DENND1A: variants seen among roughly 807,000 people sequenced by gnomAD.
The protein encoded by DENND1A is DENN domain containing 1A, also known as DENN domain-containing protein 1A.
Under a neutral mutation model 113.7 loss-of-function variants are expected in DENND1A, and 51 were observed. The ratio of observed to expected loss-of-function variants is 0.45; its 90% CI spans 0.36 to 0.57. The LOEUF (loss-of-function observed/expected upper bound fraction) is 0.57, where lower values mean the gene tolerates loss of function less well. DENND1A is among the 20% of genes least tolerant of loss of function. DENND1A has a pLI of 0.00. For missense variants in DENND1A, 1,258 were observed against 1,395.9 expected, an observed-to-expected ratio of 0.90 and a Z score of 1.57; for synonymous variants, 565 against 570.8, an observed-to-expected ratio of 0.99 and a Z score of 0.14.
chr9:123,792,674 G>A (rs1181535598), intron 2 of DENND1A, 44 bp from the exon 3 acceptor site: 3 of 1,594,834 alleles, frequency 1.9e-6, no homozygotes, highest in African/African-American at 2.7e-5. Flanking sequence ...TTGGATTAGT[G>A]AGCAAGCAGA....
chr9:123,410,341 C>T (rs1400071768), intron 20 of DENND1A, among the ~76,000 whole-genome samples: 1 of 152,322 alleles, frequency 6.6e-6, no homozygotes, highest in Middle Eastern at 3.4e-3. Context: ...AAGGGGCCTC[C>T]TGTCCCCCAA....
At chr9:123,464,434 A>T (rs1228851939) in intron 13 of DENND1A, among the ~76,000 whole-genome samples, 1 of 152,232 alleles carries the variant, frequency 6.6e-6, no homozygotes, top group Non-Finnish European at 1.5e-5. Flanking sequence ...TACATGCTGT[A>T]ACATAAAGGA....
chr9:123,534,881 AT>A (rs1262165599), intron 13 of DENND1A, among the ~76,000 whole-genome samples: 1 of 152,212 alleles, frequency 6.6e-6, no homozygotes, highest in Non-Finnish European at 1.5e-5. Context: ...TGCAAGTATT[AT>A]CTTCCTGTCT....
In DENND1A at chr9:123,575,516, G is replaced by T. The variant is rs533672226; in HGVS notation, c.867+7653C>A. 1.6e-4 allele frequency among the ~76,000 whole-genome samples: 24 copies of T among 152,322 alleles called. No individual in the cohort carries two copies. The South Asian group carries it at 5.0e-3, about 32-fold the overall frequency. On this transcript the variant is annotated intron_variant, in intron 12 of 23. Coordinates refer to ENST00000394215, the MANE Select transcript of DENND1A (RefSeq NM_001352964.2). ...TTTTTGGAAAGAATACCACAGAAGT[G>T]AAATATCCTCATTACATCACATCAG...
intron 19 of DENND1A, among the ~76,000 whole-genome samples, chr9:123,432,587 A>T (rs1223010771): frequency 6.6e-6 from 1 of 152,194 alleles, no homozygotes; most frequent in Non-Finnish European, 1.5e-5. Flanking sequence ...ACACAAAGAC[A>T]TGGATGAGAG....
chr9:123,663,578 C>T (rs926424992), intron 8 of DENND1A, among the ~76,000 whole-genome samples: 2 of 151,446 alleles, frequency 1.3e-5, no homozygotes, highest in African/African-American at 4.9e-5. Flanking sequence ...ACACATAACA[C>T]TAAATTCCTA....
chr9:123,392,771 G>A (rs1246839834), intron 21 of DENND1A, among the ~76,000 whole-genome samples: 2 of 152,172 alleles, frequency 1.3e-5, no homozygotes, highest in Non-Finnish European at 2.9e-5. Context: ...CCCGAGCAGT[G>A]TACACTGAAC....
At chr9:123,722,477 T>C (rs146878843) in intron 5 of DENND1A, among the ~76,000 whole-genome samples, 11 of 152,230 alleles carry the variant, frequency 7.2e-5, no homozygotes, top group African/African-American at 2.6e-4. Context: ...CCAAGGCATG[T>C]CAGAGACCTT....
intron 2 of DENND1A, among the ~76,000 whole-genome samples, chr9:123,855,986 G>A (rs755742473): frequency 8.5e-5 from 13 of 152,216 alleles, no homozygotes; most frequent in East Asian, 3.9e-4. Context: ...GCATTGAGCC[G>A]AGATCGCGCC....
At chr9:123,736,891 G>T (rs892963725) in intron 5 of DENND1A, among the ~76,000 whole-genome samples, 1 of 152,128 alleles carries the variant, frequency 6.6e-6, no homozygotes, top group Non-Finnish European at 1.5e-5. Flanking sequence ...TTGAATCCAG[G>T]TCCTAAAACT....
At chr9:123,560,689 CAA>C (rs202038661) in intron 12 of DENND1A, among the ~76,000 whole-genome samples, 51 of 110,638 alleles carry the variant, frequency 4.6e-4, no homozygotes, top group Non-Finnish European at 5.1e-4. Flanking sequence ...GACCCTGTCT[CAA>C]AAAAAAAAAA....
At chr9:123,904,237 C>T (rs1453171096) in intron 1 of DENND1A, among the ~76,000 whole-genome samples, 5 of 151,946 alleles carry the variant, frequency 3.3e-5, no homozygotes, top group Admixed American at 2.6e-4. Context: ...TCATCAAAGA[C>T]CAAAAGTAGA....
intron 8 of DENND1A, among the ~76,000 whole-genome samples, chr9:123,658,416 T>A (rs1444292851): frequency 2.0e-5 from 3 of 152,228 alleles, no homozygotes; most frequent in African/African-American, 7.2e-5. Flanking sequence ...AGATTTATGC[T>A]CATTTAATTA....
intron 12 of DENND1A, among the ~76,000 whole-genome samples, chr9:123,579,021 A>G (rs2136591492): frequency 6.6e-6 from 1 of 152,336 alleles, no homozygotes; most frequent in Middle Eastern, 3.4e-3. Context: ...TAACAGTTCT[A>G]AAAACCTACA....
intron 1 of DENND1A, among the ~76,000 whole-genome samples, chr9:123,921,527 C>T (rs886830854): frequency 2.6e-5 from 4 of 152,204 alleles, no homozygotes; most frequent in African/African-American, 4.8e-5. Flanking sequence ...CAATGCAACA[C>T]CCTCAAACCT....
intron 2 of DENND1A, among the ~76,000 whole-genome samples, chr9:123,829,829 C>T (rs77137078): frequency 0.032 from 4,827 of 152,070 alleles, 112 homozygotes; most frequent in Non-Finnish European, 0.052. Context: ...ACCAAATTTT[C>T]CAGAGAATAG....
At chr9:123,660,898 T>G (rs1589560267) in intron 8 of DENND1A, among the ~76,000 whole-genome samples, 1 of 152,364 alleles carries the variant, frequency 6.6e-6, no homozygotes, top group East Asian at 1.9e-4. Flanking sequence ...TGGCAATGCC[T>G]GGGGACATTT....
chr9:123,865,293 C>T (rs1432073466), intron 2 of DENND1A, among the ~76,000 whole-genome samples: 1 of 152,216 alleles, frequency 6.6e-6, no homozygotes, highest in African/African-American at 2.4e-5. Flanking sequence ...AAATAAAACC[C>T]AAGTCAACTC....
intron 9 of DENND1A, among the ~76,000 whole-genome samples, chr9:123,641,436 CAAAAAA>C (rs34664320): frequency 3.5e-5 from 4 of 113,468 alleles, no homozygotes; most frequent in African/African-American, 6.0e-5. Context: ...AATGAAATGG[CAAAAAA>C]AAAAAAAAAA....
Sources: gnomAD v4.1 joint callset for allele counts (sites outside exome capture counted in the v4.1 genomes callset) on GRCh38, gnomAD v4.1.1 for gene constraint, MANE v1.5 for transcripts, NCBI Gene and HGNC (gene_info 2026-07-23, HGNC 2026-07-21) for gene names.